The following DNHD1 variants were observed in gnomAD, a reference collection of about 807,000 sequenced individuals.
DNHD1 encodes dynein heavy chain domain 1.
A neutral mutation model predicts 458.1 loss-of-function variants in DNHD1; 383 were observed. That is an observed-to-expected ratio of 0.84 (90% CI 0.77 to 0.91). The LOEUF is 0.91. Ranked by LOEUF, DNHD1 falls within the 40% of genes least tolerant of loss-of-function variation. The pLI, the probability that DNHD1 is intolerant of heterozygous loss-of-function variation, is 0.00. For missense variants in DNHD1, 5,336 were observed against 5,866.1 expected (o/e 0.91, Z 2.95); for synonymous variants, 2,203 against 2,376.9 (o/e 0.93, Z 2.13).
chr11:6,535,326 C>CT (rs1269502004), intron 14 of DNHD1, among the ~76,000 whole-genome samples: 4 of 152,194 alleles, frequency 2.6e-5, no homozygotes, highest in Non-Finnish European at 5.9e-5. Flanking sequence ...TTTGCTATCT[C>CT]TATCTGCTGA....
rs979360159 is a variant in DNHD1, at chr11:6,570,349, A to G, written c.13058A>G (p.Gln4353Arg). Residue 4353 changes from glutamine to arginine, a missense_variant, in exon 41 of 43, where the codon CAG becomes CGG. By Grantham distance (43) the Gln-to-Arg change is conservative (BLOSUM62 1). Around this residue, in one of 4 missense-constraint regions of DNHD1, gnomAD observed 698 missense variants for 664.9 expected, o/e 1.05. Transcript: ENST00000254579. ...AGCCCCAGTAGTGGGAGCTGGGTCC[A>G]GCCACACACACCTCAGTCTTTGCTG... Reference protein sequence around the residue: ...CLSPSSGSWVQPHTPQSLLAT... With the variant: ...CLSPSSGSWVRPHTPQSLLAT... 5.6e-6 allele frequency: 9 copies of G among 1,612,234 alleles called. No individual in the cohort carries two copies. Among genetic ancestry groups the G allele is most frequent in the Non-Finnish European group, 7.6e-6 (9 of 1,179,196 alleles).
In DNHD1 at chr11:6,528,863, C is replaced by G; in HGVS notation, c.2104-15C>G. 1 of 1,551,350 alleles carries G rather than the reference C, an allele frequency of 6.4e-7. No homozygotes were observed. Among genetic ancestry groups the G allele is most frequent in the Non-Finnish European group, 8.7e-7 (1 of 1,146,768 alleles). On this transcript the variant is annotated splice_polypyrimidine_tract_variant and intron_variant, in intron 11 of 42. Transcript: ENST00000254579. ...AGCCGCATGCCTCTGCCCTAAACAC[C>G]TTGTCTGCCCTTAGGGCGTGCTGTG...
At position 6,570,150 on chromosome 11, in the gene DNHD1, G is replaced by C. The variant is rs7942310; in HGVS notation, c.12955+50G>C. On this transcript the variant is annotated intron_variant, in intron 40 of 42. Coordinates refer to ENST00000254579, the MANE Select transcript of DNHD1 (RefSeq NM_144666.3). ...GAGTCATCAGCCCCCAGGAGAGCCT[G>C]GAAGAGGGTGGGGGTGGGATACAAT... The C allele has an allele frequency of 0.036, 57,402 of 1,613,444 alleles. 5,875 individuals carry two copies. The African/African-American group carries it at 0.38, about 11-fold the overall frequency.
intron 18 of DNHD1, among the ~76,000 whole-genome samples, chr11:6,541,320 A>G (rs1853094879): frequency 6.6e-6 from 1 of 152,216 alleles, no homozygotes; most frequent in South Asian, 2.1e-4. Flanking sequence ...CCCCCCACCA[A>G]TGTGTCAGTG....
At position 6,545,776 on chromosome 11, in the gene DNHD1, C is replaced by T. The variant is rs1041466221; in HGVS notation, c.4837C>T (p.His1613Tyr). 12 of 1,551,654 alleles carry T rather than the reference C, an allele frequency of 7.7e-6. No homozygotes were observed. Among genetic ancestry groups the T allele is most frequent in the Admixed American group, 3.9e-5 (2 of 50,986 alleles). ...ACTCAAGTATCACTTGGGTTCACCT[C>T]ACATAATCCCCAAAAGCCCCCTACA... ...RQLKYHLGSP[H>Y]IIPKSPLQSL... Residue 1613 changes from histidine (H) to tyrosine (Y), a missense_variant, in exon 21 of 43, where the codon CAC becomes TAC. By Grantham distance (83) the His-to-Tyr change is moderately conservative. Around this residue, in one of 4 missense-constraint regions of DNHD1, gnomAD observed 3,932 missense variants for 4,365.6 expected, o/e 0.90. Transcript: ENST00000254579. The surrounding 1 kb of genome is among the most constrained non-coding windows in gnomAD (Gnocchi z 4.9).
chr11:6,528,404 G>GGTGGGT, intron 10 of DNHD1, 118 bp from the exon 11 acceptor site: 3 of 880,198 alleles, frequency 3.4e-6, no homozygotes, highest in Non-Finnish European at 5.0e-6. Context: ...GCAGCGAATG[G>GGTGGGT]GTGTGTGTGT....
intron 10 of DNHD1, 87 bp from the exon 11 acceptor site, chr11:6,528,435 G>A (rs967728040): frequency 2.3e-5 from 28 of 1,223,078 alleles, no homozygotes; most frequent in Non-Finnish European, 2.1e-5. Context: ...GTGTGTGTGT[G>A]TACACACACT....
chr11:6,519,500 T>G (rs1239016373), intron 7 of DNHD1, 100 bp from the exon 8 acceptor site: 1 of 1,359,616 alleles, frequency 7.4e-7, no homozygotes, highest in Non-Finnish European at 1.0e-6. Context: ...ATCTAGGTTC[T>G]AGGTCCCAGA....
chr11:6,558,548 C>G lies in DNHD1; in HGVS notation c.9066C>G (p.His3022Gln). ...TCCTGATTGGAGATAAACAGGCCCA[C>G]AAGCAGCTGCCCTCCACCCTTTTCC... ...LFFLIGDKQA[H>Q]KQLPSTLFLR... The change falls in exon 26 of 43, where the codon CAC (histidine) becomes CAG (glutamine). Residue 3022 changes from histidine (H) to glutamine (Q), a missense_variant. Physicochemically the swap from His to Gln is conservative, Grantham distance 24 (BLOSUM62 0). Coordinates refer to ENST00000254579, the MANE Select transcript of DNHD1 (RefSeq NM_144666.3). 1 of 1,551,760 alleles carries G rather than the reference C, an allele frequency of 6.4e-7. No individual in the cohort carries two copies. The highest frequency in any genetic ancestry group is 8.7e-7 in the Non-Finnish European group (1 of 1,146,994).
Position 6,568,808 on chromosome 11 carries a change from G to T in DNHD1, c.12805G>T (p.Gly4269Cys). 1 of 1,613,196 alleles carries T rather than the reference G, an allele frequency of 6.2e-7. No homozygotes were observed. Among genetic ancestry groups the T allele is most frequent in the South Asian group, 1.1e-5 (1 of 90,824 alleles). ...TQALPLLLLH[G>C]LLLHRQLYGT... ...GGCACTACCTCTGCTCCTCCTCCAT[G>T]GCCTCCTGCTACACCGGCAGCTCTA... The change falls in exon 39 of 43, where the codon GGC becomes TGC. Residue 4269 changes from glycine (G) to cysteine (C), a missense_variant. Around this residue, in one of 4 missense-constraint regions of DNHD1, gnomAD observed 698 missense variants for 664.9 expected, o/e 1.05. Coordinates refer to ENST00000254579, the MANE Select transcript of DNHD1 (RefSeq NM_144666.3).
At position 6,511,360 on chromosome 11, in the gene DNHD1, C is replaced by G. The variant is rs149380422; in HGVS notation, c.1323C>G (p.Ala441=). 6 of 1,614,106 alleles carry G rather than the reference C, an allele frequency of 3.7e-6. No homozygotes were observed. Among genetic ancestry groups the G allele is most frequent in the Non-Finnish European group, 5.1e-6 (6 of 1,180,048 alleles). ...YELLDLQTAL[A]EEKHKALRLL... ...TGCTGGACCTGCAGACGGCTCTAGC[C>G]GAGGAGAAGCATAAGGCTCTACGGC... The change falls in exon 7 of 43, where the codon GCC becomes GCG. Residue 441 remains alanine, a synonymous_variant. Coordinates refer to ENST00000254579, the MANE Select transcript of DNHD1 (RefSeq NM_144666.3).
At position 6,544,650 on chromosome 11, in the gene DNHD1, C is replaced by G; in HGVS notation, c.3831C>G (p.Ile1277Met). 1.9e-6 allele frequency: 3 copies of G among 1,551,530 alleles called. No homozygotes were observed. The highest frequency in any genetic ancestry group is 2.6e-6 in the Non-Finnish European group (3 of 1,146,948). The change falls in exon 20 of 43, where the codon ATC (isoleucine) becomes ATG (methionine). Residue 1277 changes from isoleucine (I) to methionine (M), a missense_variant. Ile to Met is a conservative substitution (Grantham distance 10, BLOSUM62 1). Transcript: ENST00000254579. ...FLNKVLHEMK[I>M]QFPNADLNSR... Reference sequence around the variant, plus strand: ...ATAAAGTTCTGCATGAGATGAAGATCCAGTTTCCTAATGCTGACCTGGTAG... The same window carrying G: ...ATAAAGTTCTGCATGAGATGAAGATGCAGTTTCCTAATGCTGACCTGGTAG...
rs755908504 is a variant in DNHD1 at position 6,533,735 on chromosome 11, C to T, written c.2560C>T (p.Arg854Trp). 59 of 1,551,244 alleles carry T rather than the reference C, an allele frequency of 3.8e-5. No individual in the cohort carries two copies. The South Asian group carries it at 5.4e-4, about 14-fold the overall frequency. Residue 854 changes from arginine (R) to tryptophan (W), a missense_variant, in exon 14 of 43, where the codon CGG (arginine) becomes TGG (tryptophan). This residue lies in a region of DNHD1 where 3,932 missense variants were observed against 4,365.6 expected (regional missense o/e 0.90). Coordinates refer to ENST00000254579, the MANE Select transcript of DNHD1 (RefSeq NM_144666.3). ...VELEERMEYV[R>W]ALHELIRNHF... ...GCTGGAGGAGCGAATGGAATACGTA[C>T]GGGCACTCCACGAACTCATCCGCAA... is the stretch of plus-strand genomic sequence containing the variant.
chr11:6,543,677 C>A (rs1213221769), intron 18 of DNHD1, among the ~76,000 whole-genome samples: 1 of 152,196 alleles, frequency 6.6e-6, no homozygotes, highest in East Asian at 1.9e-4. Context: ...GCAGAAAGGG[C>A]AGCTGGGCAT....
chr11:6,565,086 T>C (rs1196206681), intron 32 of DNHD1, among the ~76,000 whole-genome samples: 1 of 152,210 alleles, frequency 6.6e-6, no homozygotes, highest in Non-Finnish European at 1.5e-5. Context: ...CTGGGGAATA[T>C]TTCTGTTGGC....
intron 24 of DNHD1, among the ~76,000 whole-genome samples, chr11:6,549,757 A>G (rs143883162): frequency 7.9e-5 from 12 of 152,374 alleles, no homozygotes; most frequent in African/African-American, 2.9e-4. Flanking sequence ...TTATGAGAAC[A>G]GAGAACAGAA....
chr11:6,525,527 A>G (rs1448260380), intron 10 of DNHD1, among the ~76,000 whole-genome samples: 1 of 152,168 alleles, frequency 6.6e-6, no homozygotes, highest in Non-Finnish European at 1.5e-5. Context: ...CCCTCACTTA[A>G]TCTTAGTTCT....
Position 6,538,352 on chromosome 11 carries a change from GCC to G in DNHD1, c.2999-29_2999-28del, listed in dbSNP as rs1471135286. The G allele has an allele frequency of 1.9e-6, 3 of 1,550,968 alleles. No homozygotes were observed. The African/African-American group carries it at 4.1e-5, about 21-fold the overall frequency. Reference sequence around the variant, plus strand: ...CACCCCCCTCCCAACACTGCAAGTAGCCCAGGTCTCAAGTCAGCCCTCCCCCA... The same window carrying G: ...CACCCCCCTCCCAACACTGCAAGTAGCAGGTCTCAAGTCAGCCCTCCCCCA... On this transcript the variant is annotated intron_variant, in intron 14 of 42. Coordinates refer to ENST00000254579, the MANE Select transcript of DNHD1 (RefSeq NM_144666.3).
chr11:6,543,001 G>A (rs1050068231), intron 18 of DNHD1, among the ~76,000 whole-genome samples: 1 of 152,224 alleles, frequency 6.6e-6, no homozygotes, highest in African/African-American at 2.4e-5. Flanking sequence ...ACAGGTAGCT[G>A]TGTAGAGGAC....
Sources: allele counts gnomAD v4.1 joint callset (sites outside exome capture counted in the v4.1 genomes callset), GRCh38; gene constraint gnomAD v4.1.1; regional missense constraint gnomAD v4.1.1; non-coding constraint Gnocchi (gnomAD v3.1); transcripts MANE v1.5; gene names NCBI Gene and HGNC (gene_info 2026-07-23, HGNC 2026-07-21).